The following LYST variants were observed in gnomAD, a reference collection of about 807,000 sequenced individuals.
The protein encoded by LYST is lysosomal-trafficking regulator.
Under a neutral mutation model 413.6 loss-of-function variants are expected in LYST, and 192 were observed. The ratio of observed to expected loss-of-function variants is 0.46; its 90% CI spans 0.41 to 0.52. The LOEUF (loss-of-function observed/expected upper bound fraction) is 0.52. Among genes scored for constraint, LYST ranks in the 20% least tolerant of loss-of-function variants. The pLI is 0.00. For synonymous variants in LYST, 1,525 were observed against 1,567.3 expected, an observed-to-expected ratio of 0.97 and a Z score of 0.64; for missense variants, 3,815 against 4,499.9, an observed-to-expected ratio of 0.85 and a Z score of 4.35.
Position 235,873,127 on chromosome 1 carries a change from C to T in LYST, n.454+10060G>A, listed in dbSNP as rs117712221. On this transcript the variant is annotated intron_variant and non_coding_transcript_variant, in intron 1 of 11. Transcript: ENST00000465349. ...TTGGTTTCCTGCAGTTTGTTCAAAG[C>T]ACTCAGCATGCCAAGGCACCAAACT... is the stretch of plus-strand genomic sequence containing the variant. Among the ~76,000 whole-genome samples the T allele has an allele frequency of 4.4e-3, 666 of 152,238 alleles. 11 individuals carry two copies. In the East Asian group the frequency reaches 0.045, roughly 10 times the overall value.
chr1:235,746,562 A>C, intron 28 of LYST, 35 bp from the exon 29 acceptor site: 1 of 1,483,652 alleles, frequency 6.7e-7, no homozygotes, highest in South Asian at 1.2e-5. Flanking sequence ...ATCAAATCCC[A>C]GTGTTAATAA....
intron 14 of LYST, among the ~76,000 whole-genome samples, chr1:235,785,721 T>TA (rs1558241311): frequency 6.6e-6 from 1 of 152,332 alleles, no homozygotes; most frequent in East Asian, 1.9e-4. Context: ...TTATTCAACT[T>TA]AAACTCATCC....
intron 8 of LYST, among the ~76,000 whole-genome samples, chr1:235,801,542 A>T (rs577824275): frequency 1.3e-5 from 2 of 151,962 alleles, no homozygotes; most frequent in East Asian, 3.9e-4. Context: ...TGAGAAACAG[A>T]CTCTGTCTTA....
Position 235,813,048 on chromosome 1 carries a change from C to T in LYST, c.206G>A (p.Arg69Lys), listed in dbSNP as rs371476919. The T allele has an allele frequency of 2.5e-6, 4 of 1,594,760 alleles. No homozygotes were observed. Among genetic ancestry groups the T allele is most frequent in the Non-Finnish European group, 3.4e-6 (4 of 1,162,568 alleles). ...NSIIDQALTC[R>K]EELLTLLLSL... ...CAGAAGAAGAGTCAGGAGTTCTTCT[C>T]TACATGTCAATGCCTATGTCAGTAA... Residue 69 changes from arginine to lysine, a missense_variant, in exon 4 of 53, where the codon AGA (arginine) becomes AAA (lysine). Physicochemically the swap from Arg to Lys is conservative, Grantham distance 26 (BLOSUM62 2). Coordinates refer to ENST00000389793, the MANE Select transcript of LYST (RefSeq NM_000081.4).
intron 11 of LYST, among the ~76,000 whole-genome samples, chr1:235,793,288 C>T (rs763765601): frequency 2.1e-4 from 32 of 152,118 alleles, no homozygotes; most frequent in East Asian, 9.7e-4. Context: ...ATAATCTCAG[C>T]GATATGTCTG....
chr1:235,843,926 C>G (rs774779675), intron 1 of LYST, among the ~76,000 whole-genome samples: 1 of 152,130 alleles, frequency 6.6e-6, no homozygotes, highest in Non-Finnish European at 1.5e-5. Context: ...ACGTGCTTGC[C>G]TAATTTTCTC....
chr1:235,706,167 T>C (rs1661971323), intron 44 of LYST, among the ~76,000 whole-genome samples: 1 of 152,178 alleles, frequency 6.6e-6, no homozygotes, highest in African/African-American at 2.4e-5. Context: ...TGCATTTATT[T>C]TATACTTGAT....
At chr1:235,829,508 G>C (rs569593687) in intron 3 of LYST, 1 of 152,228 alleles carries the variant, frequency 6.6e-6, no homozygotes, top group South Asian at 2.1e-4. Context: ...CCTGAAAGCA[G>C]ATTGTAGAGT....
chr1:235,716,982 C>A (rs912826095), intron 40 of LYST, among the ~76,000 whole-genome samples: 1 of 152,118 alleles, frequency 6.6e-6, no homozygotes, highest in African/African-American at 2.4e-5. Flanking sequence ...CCCCACAGAG[C>A]CAGGCCAGTA....
intron 48 of LYST, 102 bp from the exon 49 acceptor site, chr1:235,677,721 C>T (rs1285493315): frequency 5.9e-6 from 5 of 845,260 alleles, no homozygotes; most frequent in African/African-American, 1.7e-5. Flanking sequence ...ATGGTCTTCT[C>T]AAACATATCA....
At chr1:235,699,728 T>C (rs1661397788) in intron 45 of LYST, among the ~76,000 whole-genome samples, 1 of 152,226 alleles carries the variant, frequency 6.6e-6, no homozygotes, top group Non-Finnish European at 1.5e-5. Flanking sequence ...CTCCACAGCC[T>C]CACCAGCATC....
chr1:235,667,664 ATTC>A, intron 50 of LYST, among the ~76,000 whole-genome samples: 1 of 151,618 alleles, frequency 6.6e-6, no homozygotes, highest in Admixed American at 6.6e-5. Context: ...ATCCTCCTGT[ATTC>A]TTTTTTTTTT....
intron 41 of LYST, among the ~76,000 whole-genome samples, chr1:235,715,759 G>A (rs1355844603): frequency 6.6e-6 from 1 of 151,850 alleles, no homozygotes; most frequent in Non-Finnish European, 1.5e-5. Flanking sequence ...ATGCTGTCTA[G>A]AGAACTGCTT....
At chr1:235,788,948 G>C in intron 12 of LYST, 103 bp from the exon 13 acceptor site, 4 of 1,009,330 alleles carry the variant, frequency 4.0e-6, no homozygotes, top group Non-Finnish European at 6.2e-6. Flanking sequence ...ATTTGTAGTA[G>C]GTTATCTACC....
chr1:235,738,266 C>A, intron 31 of LYST: 2 of 1,611,304 alleles, frequency 1.2e-6, no homozygotes, highest in Non-Finnish European at 1.7e-6. Flanking sequence ...CTGTAAACTC[C>A]AAGCTGGTCA....
rs886088528 is a variant in LYST at position 235,712,063 on chromosome 1, G to A, written c.9919C>T (p.Arg3307Cys). The part of the protein sequence containing the change: ...FFYLPEFLVN[R>C]EGFDFGVRQN... ...AAATAATTTATTGCTATACCTTCAC[G>A]GTTAACTAGGAACTCTGGAAGATAG... Residue 3307 changes from arginine (R) to cysteine (C), a missense_variant, in exon 43 of 53, where the codon CGT (arginine) becomes TGT (cysteine). Arg to Cys is a radical substitution (Grantham distance 180). Around this residue, in one of 4 missense-constraint regions of LYST, gnomAD observed 866 missense variants for 1,156.0 expected, o/e 0.75. Transcript: ENST00000389793. 1.1e-5 allele frequency: 17 copies of A among 1,537,208 alleles called. No individual in the cohort carries two copies. The highest frequency in any genetic ancestry group is 1.1e-4 in the African/African-American group (8 of 72,690).
chr1:235,677,051 G>C, intron 50 of LYST, 40 bp downstream of exon 50: 1 of 1,463,308 alleles, frequency 6.8e-7, no homozygotes, highest in South Asian at 1.1e-5. Context: ...CGCTGTTAGA[G>C]CACCAGCCAG....
chr1:235,673,503 A>G (rs1659132748), intron 50 of LYST, among the ~76,000 whole-genome samples: 1 of 152,046 alleles, frequency 6.6e-6, no homozygotes, highest in South Asian at 2.1e-4. Flanking sequence ...AAGGTTAGAC[A>G]TCCTCAGATG....
chr1:235,719,829 T>C (rs1171087337), intron 40 of LYST, among the ~76,000 whole-genome samples: 2 of 151,946 alleles, frequency 1.3e-5, no homozygotes, highest in Non-Finnish European at 2.9e-5. Context: ...ATAAGTGACC[T>C]GGTTTTTCCA....
Sources: allele counts gnomAD v4.1 joint callset (sites outside exome capture counted in the v4.1 genomes callset), GRCh38; gene constraint gnomAD v4.1.1; regional missense constraint gnomAD v4.1.1; transcripts MANE v1.5; gene names NCBI Gene and HGNC (gene_info 2026-07-23, HGNC 2026-07-21).